GBE1: variants seen among roughly 807,000 people sequenced by gnomAD.
GBE1 encodes the protein 1,4-alpha-glucan-branching enzyme.
Under a neutral mutation model 88.8 loss-of-function variants are expected in GBE1, and 70 were observed. That is an observed-to-expected ratio of 0.79 (90% CI 0.65 to 0.96). The LOEUF (loss-of-function observed/expected upper bound fraction) is 0.96. Among genes scored for constraint, GBE1 ranks in the 40% least tolerant of loss-of-function variants. The pLI is 0.00. For synonymous variants in GBE1, 284 were observed against 300.1 expected, an observed-to-expected ratio of 0.95 and a Z score of 0.56; for missense variants, 872 against 871.0, an observed-to-expected ratio of 1.00 and a Z score of -0.01.
rs1260876298 is a variant in GBE1, at chr3:81,509,747, T to C, written c.1935-10520A>G. ...CTACTTTGGTCATCAAAGACCAAACTTGAATTTTTCCCTTTGTTTCACAGA... is the reference window on the plus strand; with the variant it reads ...CTACTTTGGTCATCAAAGACCAAACCTGAATTTTTCCCTTTGTTTCACAGA... On this transcript the variant is annotated intron_variant, in intron 14 of 15. Coordinates refer to ENST00000429644, the MANE Select transcript of GBE1 (RefSeq NM_000158.4). The C allele has an allele frequency of 2.0e-5, 3 of 151,968 alleles. No homozygotes were observed. The East Asian group carries it at 5.8e-4, about 29-fold the overall frequency. The allele number at this position is 151,968 out of a possible 1,614,324, so 9.4% of individuals were successfully genotyped here.
chr3:81,553,865 T>C (rs558459745), intron 12 of GBE1, among the ~76,000 whole-genome samples: 89 of 152,238 alleles, frequency 5.8e-4, no homozygotes, highest in African/African-American at 2.1e-3. Context: ...TAATAGGAGA[T>C]GCAATTTCAA....
chr3:81,661,529 TC>T (rs1705031940), intron 3 of GBE1, among the ~76,000 whole-genome samples: 1 of 152,220 alleles, frequency 6.6e-6, no homozygotes, highest in Non-Finnish European at 1.5e-5. Context: ...ACAAACATTT[TC>T]CCCTTTAATT....
At chr3:81,564,342 G>A (rs1559646429) in intron 12 of GBE1, among the ~76,000 whole-genome samples, 1 of 152,032 alleles carries the variant, frequency 6.6e-6, no homozygotes, top group African/African-American at 2.4e-5. Context: ...ATCTTTAAAA[G>A]GGCCTCAGCT....
chr3:81,761,543 G>A lies in GBE1; in HGVS notation c.-26C>T, dbSNP rs748550942. On this transcript the variant is annotated 5_prime_UTR_variant, in exon 1 of 16. Transcript: ENST00000429644. ...ATTCCGCCGCAGTCCAAGTAGCCGA[G>A]GCCCGAGAGGTCGAGTGGGGCCTGA... 3 of 1,445,716 alleles carry A rather than the reference G, an allele frequency of 2.1e-6. No individual in the cohort carries two copies. Among genetic ancestry groups the A allele is most frequent in the Non-Finnish European group, 1.8e-6 (2 of 1,105,270 alleles). 89.6% of individuals were successfully genotyped at this position (1,445,716 alleles called of 1,614,324 possible).
At chr3:81,537,411 C>T (rs1703092327) in intron 12 of GBE1, among the ~76,000 whole-genome samples, 1 of 152,018 alleles carries the variant, frequency 6.6e-6, no homozygotes, top group South Asian at 2.1e-4. Flanking sequence ...CTGAAATAAT[C>T]TCTGCGATCT....
chr3:81,627,993 A>C (rs1262046954), intron 7 of GBE1, among the ~76,000 whole-genome samples: 1 of 151,998 alleles, frequency 6.6e-6, no homozygotes. Flanking sequence ...ATCTTATAAT[A>C]GCTCCATGAG....
At chr3:81,725,247 CTT>C (rs919874335) in intron 1 of GBE1, among the ~76,000 whole-genome samples, 2 of 152,056 alleles carry the variant, frequency 1.3e-5, no homozygotes, top group African/African-American at 2.4e-5. Flanking sequence ...CTTTTGGACT[CTT>C]TTGTAATAAT....
intron 12 of GBE1, among the ~76,000 whole-genome samples, chr3:81,553,039 A>G (rs915800061): frequency 3.3e-5 from 5 of 152,212 alleles, no homozygotes; most frequent in African/African-American, 4.8e-5. Flanking sequence ...TTTTCATTGT[A>G]TCTGGCACTA....
intron 7 of GBE1, among the ~76,000 whole-genome samples, chr3:81,597,038 T>C (rs1703965744): frequency 6.6e-6 from 1 of 151,956 alleles, no homozygotes; most frequent in Non-Finnish European, 1.5e-5. Context: ...TTCCAGATTG[T>C]GACTGAATTA....
intron 8 of GBE1, among the ~76,000 whole-genome samples, chr3:81,591,747 T>C (rs893683441): frequency 6.6e-6 from 1 of 152,160 alleles, no homozygotes; most frequent in Non-Finnish European, 1.5e-5. Context: ...GGTTATACCA[T>C]TTACTTTCTA....
intron 8 of GBE1, among the ~76,000 whole-genome samples, chr3:81,592,407 T>G (rs926521624): frequency 9.5e-5 from 11 of 115,780 alleles, no homozygotes; most frequent in Non-Finnish European, 1.5e-4. Flanking sequence ...GTCCAACCAT[T>G]TTTTTTTCAT....
intron 7 of GBE1, among the ~76,000 whole-genome samples, chr3:81,600,686 C>T (rs1214223338): frequency 6.6e-6 from 1 of 151,890 alleles, no homozygotes; most frequent in Non-Finnish European, 1.5e-5. Flanking sequence ...TATTTTAGGA[C>T]AATATTCAAG....
intron 12 of GBE1, among the ~76,000 whole-genome samples, chr3:81,569,065 C>T (rs1703535770): frequency 6.6e-6 from 1 of 152,052 alleles, no homozygotes; most frequent in Non-Finnish European, 1.5e-5. Flanking sequence ...AGGAGCTATA[C>T]TTAACATCTT....
At chr3:81,562,851 A>G (rs949243318) in intron 12 of GBE1, among the ~76,000 whole-genome samples, 3 of 151,664 alleles carry the variant, frequency 2.0e-5, no homozygotes, top group Non-Finnish European at 4.4e-5. Flanking sequence ...GACGGTATGT[A>G]TAGGTCACTT....
At chr3:81,529,965 A>G (rs115943226) in intron 14 of GBE1, among the ~76,000 whole-genome samples, 1,547 of 151,752 alleles carry the variant, frequency 0.01, 27 homozygotes, top group African/African-American at 0.035. Context: ...AATCACTTTT[A>G]GATTTGCTTT....
At chr3:81,707,721 A>G (rs541264128) in intron 1 of GBE1, among the ~76,000 whole-genome samples, 1 of 152,226 alleles carries the variant, frequency 6.6e-6, no homozygotes, top group Admixed American at 6.5e-5. Flanking sequence ...TATTAATCTT[A>G]GATGAGCATT....
intron 7 of GBE1, among the ~76,000 whole-genome samples, chr3:81,605,963 C>T (rs1157562034): frequency 6.6e-6 from 1 of 152,138 alleles, no homozygotes; most frequent in Non-Finnish European, 1.5e-5. Flanking sequence ...ACACAGCTGG[C>T]CAATGAATTC....
intron 1 of GBE1, among the ~76,000 whole-genome samples, chr3:81,743,052 T>C (rs1271950378): frequency 2.0e-5 from 3 of 152,142 alleles, no homozygotes; most frequent in Non-Finnish European, 4.4e-5. Flanking sequence ...CTATTCTAAA[T>C]TCTATAGAAA....
intron 1 of GBE1, among the ~76,000 whole-genome samples, chr3:81,707,995 T>C (rs1246341350): frequency 6.6e-6 from 1 of 152,028 alleles, no homozygotes; most frequent in Non-Finnish European, 1.5e-5. Flanking sequence ...TCTAATCACG[T>C]ATAACAAATA....
Sources: gnomAD v4.1 joint callset for allele counts (sites outside exome capture counted in the v4.1 genomes callset) on GRCh38, gnomAD v4.1.1 for gene constraint, MANE v1.5 for transcripts, NCBI Gene and HGNC (gene_info 2026-07-23, HGNC 2026-07-21) for gene names.